MCC: variants seen among roughly 807,000 people sequenced by gnomAD.
The protein encoded by MCC is MCC regulator of Wnt signaling pathway.
A neutral mutation model predicts 116.2 loss-of-function variants in MCC; 90 were observed. The ratio of observed to expected loss-of-function variants is 0.77; its 90% confidence interval spans 0.65 to 0.92. MCC has a LOEUF of 0.92. Ranked by LOEUF, MCC falls within the 40% of genes least tolerant of loss-of-function variation. The pLI is 0.00. For missense variants in MCC, 1,516 were observed against 1,312.2 expected (o/e 1.16, Z -2.40); for synonymous variants, 578 against 510.5 (o/e 1.13, Z -1.78).
chr5:113,199,187 A>C (rs1443048992), intron 3 of MCC, among the ~76,000 whole-genome samples: 1 of 151,918 alleles, frequency 6.6e-6, no homozygotes, highest in Non-Finnish European at 1.5e-5. Context: ...AAAAAAAAAG[A>C]AAGAAATGAA....
chr5:113,037,227 G>T (rs6594657), intron 17 of MCC, among the ~76,000 whole-genome samples: 148,948 of 152,302 alleles, frequency 0.98, 72,844 homozygotes, highest in East Asian at 1. Context: ...GGTCAACTAG[G>T]GTCATCCTTT....
At chr5:113,179,349 G>A (rs1761496184) in intron 3 of MCC, among the ~76,000 whole-genome samples, 1 of 152,160 alleles carries the variant, frequency 6.6e-6, no homozygotes, top group Non-Finnish European at 1.5e-5. Flanking sequence ...GCCTAGCACA[G>A]GGAACATTTG....
intron 3 of MCC, among the ~76,000 whole-genome samples, chr5:113,194,273 C>T (rs1480853249): frequency 2.0e-5 from 3 of 152,164 alleles, no homozygotes; most frequent in Non-Finnish European, 4.4e-5. Flanking sequence ...TTGTACAATA[C>T]TTAGTACATG....
intron 3 of MCC, among the ~76,000 whole-genome samples, chr5:113,181,394 T>C (rs992819147): frequency 6.6e-6 from 1 of 152,364 alleles, no homozygotes; most frequent in Non-Finnish European, 1.5e-5. Context: ...GGCTGTTTTA[T>C]TGTTTATAAT....
intron 15 of MCC, among the ~76,000 whole-genome samples, chr5:113,051,291 T>A (rs1752474175): frequency 6.6e-6 from 1 of 152,008 alleles, no homozygotes; most frequent in African/African-American, 2.4e-5. Context: ...GAATCAGCAC[T>A]GACGAAGAAT....
At chr5:113,080,821 AAAAAAAG>A (rs1166755801) in intron 11 of MCC, among the ~76,000 whole-genome samples, 6 of 145,890 alleles carry the variant, frequency 4.1e-5, no homozygotes, top group Non-Finnish European at 8.9e-5. Flanking sequence ...ACAACAAAAA[AAAAAAAG>A]AAAAGAAAAA....
At chr5:113,085,891 T>G (rs527939567) in intron 8 of MCC, among the ~76,000 whole-genome samples, 1 of 152,320 alleles carries the variant, frequency 6.6e-6, no homozygotes, top group East Asian at 1.9e-4. Context: ...AGTCTCGCTA[T>G]GTTGCCAGGG....
rs574617990 is a variant in MCC, at chr5:113,205,126, C to T, written c.628-53704G>A. On this transcript the variant is annotated intron_variant, in intron 3 of 18. Transcript: ENST00000408903. ...TTCCTCCTTTCTCTCTCCCTCACCCCCTGCCTTACTGGTATTTTTCTCTAT... is the reference window on the plus strand; with the variant it reads ...TTCCTCCTTTCTCTCTCCCTCACCCTCTGCCTTACTGGTATTTTTCTCTAT... 2.0e-5 allele frequency among the ~76,000 whole-genome samples: 3 copies of T among 152,284 alleles called. No homozygotes were observed. In the East Asian group the frequency reaches 5.8e-4, roughly 29 times the overall value.
At chr5:113,276,809 T>TA (rs898910446) in intron 3 of MCC, among the ~76,000 whole-genome samples, 37 of 150,358 alleles carry the variant, frequency 2.5e-4, no homozygotes, top group Non-Finnish European at 4.2e-4. Flanking sequence ...CTTCTTATTT[T>TA]TTTTTTTTTT....
In MCC at chr5:113,304,805, T is replaced by C. The variant is rs550378545; in HGVS notation, c.627+35714A>G. Among the ~76,000 whole-genome samples, 11 of 152,212 alleles carry C rather than the reference T, an allele frequency of 7.2e-5. No individual in the cohort carries two copies. The South Asian group carries it at 2.3e-3, about 32-fold the overall frequency. ...TTGAGTCCTCCCAGGAGTACCTGCA[T>C]ATGGTCAATTTCCTGGAGAGGAAAA... On this transcript the variant is annotated intron_variant, in intron 3 of 18. Coordinates refer to ENST00000408903, the MANE Select transcript of MCC (RefSeq NM_001085377.2).
chr5:113,460,266 A>G (rs1375500598), intron 1 of MCC, among the ~76,000 whole-genome samples: 1 of 152,200 alleles, frequency 6.6e-6, no homozygotes. Context: ...GGACACAAGA[A>G]AAAGGGTGAA....
chr5:113,284,161 G>C (rs988567828), intron 3 of MCC, among the ~76,000 whole-genome samples: 2 of 152,146 alleles, frequency 1.3e-5, no homozygotes, highest in African/African-American at 4.8e-5. Flanking sequence ...GCACAGCCTG[G>C]GTGACTGGCA....
chr5:113,276,906 T>C (rs1315552606), intron 3 of MCC, among the ~76,000 whole-genome samples: 2 of 151,298 alleles, frequency 1.3e-5, no homozygotes, highest in African/African-American at 4.9e-5. Flanking sequence ...TCCAAATTGC[T>C]GGAATTACAG....
At chr5:113,482,717 T>C (rs1226075796) in intron 1 of MCC, among the ~76,000 whole-genome samples, 8 of 152,174 alleles carry the variant, frequency 5.3e-5, no homozygotes. Context: ...TTCACTCTTT[T>C]GATAGTGTTT....
intron 1 of MCC, among the ~76,000 whole-genome samples, chr5:113,443,044 T>A (rs183946469): frequency 2.8e-4 from 43 of 152,344 alleles, no homozygotes; most frequent in African/African-American, 1.0e-3. Context: ...AGAAAGTCAA[T>A]GGTAGCTTGA....
chr5:113,465,738 A>T (rs989308747), intron 1 of MCC, among the ~76,000 whole-genome samples: 4 of 152,216 alleles, frequency 2.6e-5, no homozygotes, highest in African/African-American at 9.6e-5. Context: ...CAGATAGTCA[A>T]TAAATAAATG....
intron 4 of MCC, 95 bp downstream of exon 4, chr5:113,151,214 G>A (rs1759845134): frequency 1.4e-6 from 1 of 732,856 alleles, no homozygotes; most frequent in Admixed American, 2.6e-5. Flanking sequence ...GCTGTAATTT[G>A]TTTTGTGGGA....
chr5:113,143,079 A>T, intron 5 of MCC, 139 bp downstream of exon 5: 1 of 934,792 alleles, frequency 1.1e-6, no homozygotes, highest in Non-Finnish European at 1.5e-6. Flanking sequence ...TTAGATACAA[A>T]GAAAACATCA....
At chr5:113,205,976 G>A (rs534715123) in intron 3 of MCC, among the ~76,000 whole-genome samples, 1 of 152,324 alleles carries the variant, frequency 6.6e-6, no homozygotes, top group East Asian at 1.9e-4. Context: ...GCCCCTTTGT[G>A]AGCATGGTGA....
Sources: gnomAD v4.1 joint callset for allele counts (sites outside exome capture counted in the v4.1 genomes callset) on GRCh38, gnomAD v4.1.1 for gene constraint, MANE v1.5 for transcripts, NCBI Gene and HGNC (gene_info 2026-07-23, HGNC 2026-07-21) for gene names.